QKI: variants seen among roughly 807,000 people sequenced by gnomAD.
QKI encodes the protein QKI, KH domain containing RNA binding.
Under a neutral mutation model 39.0 loss-of-function variants are expected in QKI, and 10 were observed. The ratio of observed to expected loss-of-function variants is 0.26; its 90% CI spans 0.16 to 0.43. The LOEUF (loss-of-function observed/expected upper bound fraction) is 0.43, where lower values mean the gene tolerates loss of function less well. Among genes scored for constraint, QKI ranks in the 20% least tolerant of loss-of-function variants. The probability of loss-of-function intolerance (pLI) is 1.00; values close to 1 mark genes in which losing one functional copy is unlikely to be tolerated. For synonymous variants in QKI, 204 were observed against 155.4 expected, an observed-to-expected ratio of 1.31 and a Z score of -2.33; for missense variants, 218 against 428.0, an observed-to-expected ratio of 0.51 and a Z score of 4.33.
At chr6:163,469,787 A>G (rs977442174) in intron 2 of QKI, among the ~76,000 whole-genome samples, 2 of 152,210 alleles carry the variant, frequency 1.3e-5, no homozygotes, top group East Asian at 1.9e-4. Flanking sequence ...TGTTGTAGAA[A>G]AAAGTAGGAA....
intron 6 of QKI, chr6:163,565,871 A>T (rs1165155261): frequency 6.3e-7 from 1 of 1,592,468 alleles, no homozygotes; most frequent in African/African-American, 1.3e-5. Flanking sequence ...GTGTGTTGGT[A>T]GTAGTGAGGA....
intron 1 of QKI, among the ~76,000 whole-genome samples, chr6:163,433,830 G>A (rs56702350): frequency 0.028 from 4,244 of 151,962 alleles, 196 homozygotes; most frequent in African/African-American, 0.096. Context: ...CTACCTATAA[G>A]GTTAAATATT....
At chr6:163,496,629 G>A (rs1778429419) in intron 3 of QKI, among the ~76,000 whole-genome samples, 1 of 152,106 alleles carries the variant, frequency 6.6e-6, no homozygotes, top group African/African-American at 2.4e-5. Flanking sequence ...TGTGGCTAAA[G>A]GCCCTACGTG....
chr6:163,436,370 TTTGTTCTCTTTAGGTATAGAA>T lies in QKI; in HGVS notation c.143-18905_143-18885del, dbSNP rs1789273118. Among the ~76,000 whole-genome samples, 3 of 152,138 alleles carry T rather than the reference TTTGTTCTCTTTAGGTATAGAA, an allele frequency of 2.0e-5. No individual in the cohort carries two copies. In the South Asian group the frequency reaches 6.2e-4, roughly 31 times the overall value. On this transcript the variant is annotated intron_variant, in intron 1 of 7. Coordinates refer to ENST00000361752, the MANE Select transcript of QKI (RefSeq NM_006775.3). Reference sequence around the variant, plus strand: ...AATAAGGGTATAGCTGTGGTAGATCTTTGTTCTCTTTAGGTATAGAATTGGAGAAGTTTAAGTTTAAAGCAA... The same window carrying T: ...AATAAGGGTATAGCTGTGGTAGATCTTTGGAGAAGTTTAAGTTTAAAGCAA...
chr6:163,448,961 A>T (rs1294546414), intron 1 of QKI, among the ~76,000 whole-genome samples: 2 of 152,148 alleles, frequency 1.3e-5, no homozygotes, highest in Non-Finnish European at 2.9e-5. Flanking sequence ...CTAAATTCAT[A>T]AGGTTACACA....
rs1783855410 is a variant in QKI at position 163,574,253 on chromosome 6, A to G, written c.*3543A>G. ...GAACCATTTCTTTTAATTTCTGTAA[A>G]TAAGTAATTTTATGGTCACATTGTA... On this transcript the variant is annotated 3_prime_UTR_variant, in exon 8 of 8. Coordinates refer to ENST00000361752, the MANE Select transcript of QKI (RefSeq NM_006775.3). 6.6e-6 allele frequency: 1 copy of G among 152,192 alleles called. No homozygotes were observed. The highest frequency in any genetic ancestry group is 1.5e-5 in the Non-Finnish European group (1 of 68,034). 9.4% of individuals were successfully genotyped at this position (152,192 alleles called of 1,614,324 possible).
intron 3 of QKI, among the ~76,000 whole-genome samples, chr6:163,523,403 A>G (rs1025243979): frequency 6.6e-5 from 10 of 152,242 alleles, no homozygotes; most frequent in Non-Finnish European, 2.9e-5. Context: ...TTTATAATCT[A>G]GGAATATTAA....
At chr6:163,537,741 A>T (rs1158754348) in intron 4 of QKI, among the ~76,000 whole-genome samples, 1 of 152,130 alleles carries the variant, frequency 6.6e-6, no homozygotes, top group Non-Finnish European at 1.5e-5. Flanking sequence ...TCTCTCTCAG[A>T]TTTGCTTACC....
intron 3 of QKI, among the ~76,000 whole-genome samples, chr6:163,505,727 G>T (rs188787758): frequency 6.6e-6 from 1 of 152,166 alleles, no homozygotes; most frequent in Non-Finnish European, 1.5e-5. Context: ...TGGGAGAAGG[G>T]ATTTTCCTTT....
At chr6:163,536,712 A>C (rs1271914852) in intron 4 of QKI, among the ~76,000 whole-genome samples, 3 of 152,130 alleles carry the variant, frequency 2.0e-5, no homozygotes, top group African/African-American at 7.2e-5. Context: ...AAATGATTGA[A>C]TCTTGTCATA....
chr6:163,557,009 T>A (rs1351344137), intron 4 of QKI, among the ~76,000 whole-genome samples: 1 of 152,172 alleles, frequency 6.6e-6, no homozygotes, highest in Non-Finnish European at 1.5e-5. Flanking sequence ...AAATGAAAAC[T>A]TATATTTGCA....
chr6:163,451,658 C>T (rs1291320552), intron 1 of QKI, among the ~76,000 whole-genome samples: 1 of 152,078 alleles, frequency 6.6e-6, no homozygotes, highest in African/African-American at 2.4e-5. Context: ...ATTTTTTGTA[C>T]TATGCGTGAT....
chr6:163,528,397 A>G (rs1780643227), intron 3 of QKI, among the ~76,000 whole-genome samples: 1 of 152,138 alleles, frequency 6.6e-6, no homozygotes, highest in African/African-American at 2.4e-5. Flanking sequence ...ATGTTGTGCT[A>G]GGAATTAGTT....
chr6:163,514,316 C>A (rs1416655004), intron 3 of QKI, among the ~76,000 whole-genome samples: 1 of 151,996 alleles, frequency 6.6e-6, no homozygotes, highest in African/African-American at 2.4e-5. Context: ...TTTAAAAAAT[C>A]ATGGAAAATG....
chr6:163,494,661 TG>T (rs2128229487), intron 3 of QKI, among the ~76,000 whole-genome samples: 1 of 58,974 alleles, frequency 1.7e-5, no homozygotes, highest in East Asian at 6.8e-3. Flanking sequence ...GTTTTTTTTT[TG>T]TTTTTGTTGT....
At chr6:163,550,503 G>A (rs985690421) in intron 4 of QKI, among the ~76,000 whole-genome samples, 2 of 152,140 alleles carry the variant, frequency 1.3e-5, no homozygotes, top group Non-Finnish European at 2.9e-5. Context: ...GAAGCTATGT[G>A]GCTATTATTA....
At chr6:163,567,129 T>G in intron 7 of QKI, 1 of 1,020,046 alleles carries the variant, frequency 9.8e-7, no homozygotes, top group Non-Finnish European at 1.2e-6. Context: ...ATTTACCTTT[T>G]AAAAGTTCTG....
intron 3 of QKI, among the ~76,000 whole-genome samples, chr6:163,515,206 T>C: frequency 6.6e-6 from 1 of 152,164 alleles, no homozygotes; most frequent in East Asian, 1.9e-4. Context: ...CCATTTGATG[T>C]CCTCAATGTT....
chr6:163,503,508 T>G (rs1454616278), intron 3 of QKI, among the ~76,000 whole-genome samples: 1 of 149,748 alleles, frequency 6.7e-6, no homozygotes, highest in Non-Finnish European at 1.5e-5. Context: ...TTTCTCCCAC[T>G]CTGTAGGTTG....
Sources: gnomAD v4.1 joint callset for allele counts (sites outside exome capture counted in the v4.1 genomes callset) on GRCh38, gnomAD v4.1.1 for gene constraint, MANE v1.5 for transcripts, NCBI Gene and HGNC (gene_info 2026-07-23, HGNC 2026-07-21) for gene names.